ZDHHC23: variants seen among roughly 807,000 people sequenced by gnomAD.
ZDHHC23 encodes palmitoyltransferase ZDHHC23.
Under a neutral mutation model 40.2 loss-of-function variants are expected in ZDHHC23, and 41 were observed. The observed-to-expected ratio is 1.02, with a 90% CI of 0.79 to 1.32. The LOEUF is 1.32. Ranked by LOEUF, ZDHHC23 falls within the 40% of genes most tolerant of loss-of-function variation. ZDHHC23 has a pLI of 0.00. For missense variants in ZDHHC23, 471 were observed against 541.5 expected (o/e 0.87, Z 1.29); for synonymous variants, 204 against 210.2 (o/e 0.97, Z 0.26).
rs1232159406 is a variant in ZDHHC23, at chr3:113,962,853, C to T, written c.*4223C>T. On this transcript the variant is annotated 3_prime_UTR_variant, in exon 5 of 5. Coordinates refer to ENST00000638807, the MANE Select transcript of ZDHHC23 (RefSeq NM_001320466.2). ...GTTTTTATATACTTGTATTCATATC[C>T]TCTTATCACCTCAGACTCAGACACA... The T allele has an allele frequency of 6.6e-6, 1 of 152,168 alleles. No individual in the cohort carries two copies. The highest frequency in any genetic ancestry group is 1.5e-5 in the Non-Finnish European group (1 of 68,024). The allele number at this position is 152,168 out of a possible 1,614,324, so 9.4% of individuals were successfully genotyped here. A position where few individuals can be genotyped will look rare whatever the true frequency, so the allele number is the denominator to read the frequency against.
At chr3:113,948,551 A>G (rs996333108) in intron 1 of ZDHHC23, 135 bp from the exon 2 acceptor site, 43 of 398,956 alleles carry the variant, frequency 1.1e-4, no homozygotes, top group Non-Finnish European at 1.7e-4. Context: ...GCGCCTGCCC[A>G]GGCTGGGAAG....
intron 4 of ZDHHC23, among the ~76,000 whole-genome samples, chr3:113,956,793 CA>C (rs11294189): frequency 0.56 from 85,615 of 151,978 alleles, 24,314 homozygotes; most frequent in East Asian, 0.63. Flanking sequence ...CTCATAGGCT[CA>C]AAAGTCGCAA....
the ZDHHC23 span, among the ~76,000 whole-genome samples, chr3:113,973,898 C>G: frequency 6.6e-6 from 1 of 151,182 alleles, no homozygotes; most frequent in Non-Finnish European, 1.5e-5. Flanking sequence ...TTCAAGTCCC[C>G]CTTCAACACC....
the ZDHHC23 span, chr3:113,978,076 C>T: frequency 8.0e-7 from 1 of 1,255,594 alleles, no homozygotes. Context: ...TGGTGTTTCC[C>T]CGCTCTCCTA....
Position 113,958,866 on chromosome 3 carries a change from C to T in ZDHHC23, c.*236C>T, listed in dbSNP as rs1939485177. On this transcript the variant is annotated 3_prime_UTR_variant, in exon 5 of 5. Coordinates refer to ENST00000638807, the MANE Select transcript of ZDHHC23 (RefSeq NM_001320466.2). The stretch of plus-strand genomic sequence containing the variant: ...TTTCCAGTCACCTTTTTAATTGACT[C>T]AGTTGCCTGAACTTGAGAAGGATGT... 2.2e-6 allele frequency: 3 copies of T among 1,334,412 alleles called. No individual in the cohort carries two copies. The highest frequency in any genetic ancestry group is 2.5e-5 in the South Asian group (2 of 80,474). The allele number at this position is 1,334,412 out of a possible 1,614,324, so 82.7% of individuals were successfully genotyped here. A position where few individuals can be genotyped will look rare whatever the true frequency, so the allele number is the denominator to read the frequency against.
the ZDHHC23 span, among the ~76,000 whole-genome samples, chr3:113,970,839 T>A: frequency 7.2e-5 from 11 of 152,114 alleles, no homozygotes; most frequent in Non-Finnish European, 1.0e-4. Context: ...GTCCTTGCGA[T>A]AGTTTGCTGA....
downstream of ZDHHC23, among the ~76,000 whole-genome samples, chr3:113,963,960 G>A (rs1400098552): frequency 1.3e-5 from 2 of 149,984 alleles, no homozygotes; most frequent in East Asian, 3.9e-4. Context: ...AATGACAACT[G>A]TATAATCCTA....
At position 113,960,544 on chromosome 3, in the gene ZDHHC23, G is replaced by GA; in HGVS notation, c.*1914_*1915insA. 2.1e-6 allele frequency: 3 copies of GA among 1,437,922 alleles called. No homozygotes were observed. The South Asian group carries it at 4.5e-5, about 22-fold the overall frequency. 89.1% of individuals were successfully genotyped at this position (1,437,922 alleles called of 1,614,324 possible). A position where few individuals can be genotyped will look rare whatever the true frequency, so the allele number is the denominator to read the frequency against. ...CTGTAGAGCCAACTCTGATTATCTA[G>GA]CCATTGATCATACAAATTGATAGAA... is the stretch of plus-strand genomic sequence containing the variant. On this transcript the variant is annotated 3_prime_UTR_variant, in exon 5 of 5. Coordinates refer to ENST00000638807, the MANE Select transcript of ZDHHC23 (RefSeq NM_001320466.2).
chr3:113,948,647 A>G, intron 1 of ZDHHC23, 39 bp from the exon 2 acceptor site: 1 of 826,044 alleles, frequency 1.2e-6, no homozygotes, highest in Non-Finnish European at 1.8e-6. Flanking sequence ...TGAAAACGGG[A>G]CCCCCTCCCC....
At position 113,960,847 on chromosome 3, in the gene ZDHHC23, G is replaced by C; in HGVS notation, c.*2217G>C. On this transcript the variant is annotated 3_prime_UTR_variant, in exon 5 of 5. Transcript: ENST00000638807. ...GAGAACCCATGATGGACAGTTGACA[G>C]AATGCTTAAACCTGTCAAAAGATGA... is the stretch of plus-strand genomic sequence containing the variant. 1 of 1,457,946 alleles carries C rather than the reference G, an allele frequency of 6.9e-7. No homozygotes were observed. The highest frequency in any genetic ancestry group is 9.1e-7 in the Non-Finnish European group (1 of 1,101,046). 90.3% of individuals were successfully genotyped at this position (1,457,946 alleles called of 1,614,324 possible). A position where few individuals can be genotyped will look rare whatever the true frequency, so the allele number is the denominator to read the frequency against.
downstream of ZDHHC23, chr3:113,964,464 C>T (rs138011995): frequency 1.3e-5 from 2 of 152,168 alleles, no homozygotes; most frequent in Admixed American, 6.5e-5. Flanking sequence ...GTGTATTATT[C>T]AGCAGTTGCA....
intron 2 of ZDHHC23, among the ~76,000 whole-genome samples, chr3:113,953,409 A>G (rs747122278): frequency 2.6e-4 from 40 of 152,256 alleles, no homozygotes; most frequent in Admixed American, 5.9e-4. Flanking sequence ...TTGTTTTGAG[A>G]TTCTTATGAC....
In ZDHHC23 at chr3:113,948,777, A is replaced by C; in HGVS notation, c.-26A>C. On this transcript the variant is annotated 5_prime_UTR_variant, in exon 2 of 5. Coordinates refer to ENST00000638807, the MANE Select transcript of ZDHHC23 (RefSeq NM_001320466.2). ...CACCTTTACCTTCTGAGGGCTTCTT[A>C]CGCCTCATGGTGACAGGTGCAAATC... The C allele has an allele frequency of 6.2e-7, 1 of 1,613,780 alleles. No individual in the cohort carries two copies. Among genetic ancestry groups the C allele is most frequent in the Non-Finnish European group, 8.5e-7 (1 of 1,179,898 alleles).
chr3:113,958,587 T>G lies in ZDHHC23; in HGVS notation c.1265T>G (p.Leu422Arg). The G allele has an allele frequency of 6.2e-7, 1 of 1,606,154 alleles. No individual in the cohort carries two copies. Among genetic ancestry groups the G allele is most frequent in the South Asian group, 1.1e-5 (1 of 90,930 alleles). Residue 422 changes from leucine to arginine, a missense_variant, in exon 5 of 5, where the codon CTG becomes CGG. Around this residue, in one of 3 missense-constraint regions of ZDHHC23, gnomAD observed 346 missense variants for 399.8 expected, o/e 0.87. Coordinates refer to ENST00000638807, the MANE Select transcript of ZDHHC23 (RefSeq NM_001320466.2). ...FLRNWHQFSTLGTRAFHHPAE... is the reference protein window; with the variant it reads ...FLRNWHQFSTRGTRAFHHPAE... The stretch of plus-strand genomic sequence containing the variant: ...CGGAACTGGCACCAGTTCTCCACCC[T>G]GGGCACACGTGCATTCCACCACCCT...
In ZDHHC23 at chr3:113,954,269, G is replaced by C; in HGVS notation, c.731G>C (p.Gly244Ala). The C allele has an allele frequency of 6.2e-7, 1 of 1,614,180 alleles. No homozygotes were observed. The highest frequency in any genetic ancestry group is 8.5e-7 in the Non-Finnish European group (1 of 1,180,002). The change falls in exon 3 of 5, where the codon GGC becomes GCC. Residue 244 changes from glycine (G) to alanine (A), a missense_variant. By Grantham distance (60) the Gly-to-Ala change is moderately conservative. Coordinates refer to ENST00000638807, the MANE Select transcript of ZDHHC23 (RefSeq NM_001320466.2). ...NNRTTKDDPK[G>A]SSKMPAGSPT... is the part of the protein sequence containing the mutation. ...CGCACAACAAAGGATGACCCCAAGG[G>C]CTCTTCCAAGATGCCAGCTGGAAGC...
downstream of ZDHHC23, among the ~76,000 whole-genome samples, chr3:113,968,841 AT>A (rs1481422201): frequency 6.6e-6 from 1 of 151,954 alleles, no homozygotes; most frequent in Non-Finnish European, 1.5e-5. Context: ...GTCAGATGGC[AT>A]TTTAGTCCAC....
Position 113,953,823 on chromosome 3 carries a change from G to A in ZDHHC23, c.285G>A (p.Pro95=), listed in dbSNP as rs1304964351. The A allele has an allele frequency of 6.8e-6, 11 of 1,614,050 alleles. No individual in the cohort carries two copies. In the East Asian group the frequency reaches 8.9e-5, roughly 13 times the overall value. Residue 95 remains proline (P), a synonymous_variant, in exon 3 of 5, where the codon CCG becomes CCA. Transcript: ENST00000638807. ...AAGTGAACATCAGCATCATCCCTCC[G>A]CTTGTCCTGCTGCCTGTCTTCCTTC... ...AKKVNISIIP[P]LVLLPVFLHV...
At position 113,960,173 on chromosome 3, in the gene ZDHHC23, C is replaced by G; in HGVS notation, c.*1543C>G. The G allele has an allele frequency of 1.0e-6, 1 of 990,050 alleles. No homozygotes were observed. The highest frequency in any genetic ancestry group is 4.6e-5 in the South Asian group (1 of 21,746). The allele number at this position is 990,050 out of a possible 1,614,324, so 61.3% of individuals were successfully genotyped here. On this transcript the variant is annotated 3_prime_UTR_variant, in exon 5 of 5. Transcript: ENST00000638807. Reference sequence around the variant, plus strand: ...TTATATTTGTTGAGAGGAAATATTGCTACTTCCTGCACTTCCACCCTCTGC... The same window carrying G: ...TTATATTTGTTGAGAGGAAATATTGGTACTTCCTGCACTTCCACCCTCTGC...
the ZDHHC23 span, chr3:113,978,356 G>A: frequency 6.2e-7 from 1 of 1,609,510 alleles, no homozygotes. Flanking sequence ...AGAAATAAAA[G>A]TGAGACAAAA....
Sources: allele counts gnomAD v4.1 joint callset (sites outside exome capture counted in the v4.1 genomes callset), GRCh38; gene constraint gnomAD v4.1.1; regional missense constraint gnomAD v4.1.1; transcripts MANE v1.5; gene names NCBI Gene and HGNC (gene_info 2026-07-23, HGNC 2026-07-21).